Variants in METTL24 observed in about 807,000 individuals in gnomAD.
METTL24 encodes methyltransferase like 24, also known as probable methyltransferase-like protein 24.
METTL24 carries 29 observed loss-of-function variants against 32.7 expected under a neutral mutation model. The ratio of observed to expected loss-of-function variants is 0.89; its 90% CI spans 0.66 to 1.21. The LOEUF is 1.21. METTL24 is among the 50% of genes most tolerant of loss of function. METTL24 has a pLI of 0.00. For missense variants in METTL24, 439 were observed against 468.1 expected, an observed-to-expected ratio of 0.94 and a Z score of 0.57; for synonymous variants, 163 against 179.5, an observed-to-expected ratio of 0.91 and a Z score of 0.73.
intron 4 of METTL24, among the ~76,000 whole-genome samples, chr6:110,295,840 A>AGGAAGGAAGGAAGGAAGGAAGGTT (rs1004909247): frequency 8.8e-5 from 13 of 147,328 alleles, no homozygotes; most frequent in South Asian, 6.4e-4. Flanking sequence ...GAAGGAAGGA[A>AGGAAGGAAGGAAGGAAGGAAGGTT]GGTTCTCTAT....
intron 1 of METTL24, among the ~76,000 whole-genome samples, chr6:110,338,313 A>G (rs1044366347): frequency 1.1e-4 from 16 of 152,172 alleles, no homozygotes; most frequent in African/African-American, 3.9e-4. Context: ...CCTGGCCAAC[A>G]TGGGCAAAAC....
At position 110,244,433 on chromosome 6, in the gene METTL24, G is replaced by A. The variant is rs768033500; in HGVS notation, c.*1513C>T. Among the ~76,000 whole-genome samples the A allele has an allele frequency of 3.9e-5, 6 of 151,916 alleles. No homozygotes were observed. The highest frequency in any genetic ancestry group is 2.0e-4 in the Admixed American group (3 of 15,250). On this transcript the variant is annotated 3_prime_UTR_variant, in exon 5 of 5. Transcript: ENST00000338882. ...AAAAAGCAAGTGCTTTTTCAAATACGTAAAATCTAAAAAGTGTAATACCCA... is the reference window on the plus strand; with the variant it reads ...AAAAAGCAAGTGCTTTTTCAAATACATAAAATCTAAAAAGTGTAATACCCA...
At chr6:110,349,160 C>T (rs912027423) in intron 1 of METTL24, among the ~76,000 whole-genome samples, 7 of 152,130 alleles carry the variant, frequency 4.6e-5, no homozygotes, top group Middle Eastern at 3.2e-3. Flanking sequence ...CTGTGGTGAC[C>T]GCTGGCATTG....
intron 3 of METTL24, among the ~76,000 whole-genome samples, chr6:110,315,103 G>T (rs1222784017): frequency 6.6e-6 from 1 of 151,954 alleles, no homozygotes; most frequent in Non-Finnish European, 1.5e-5. Flanking sequence ...TGATGAGAAC[G>T]GGGGCTTCCA....
intron 1 of METTL24, among the ~76,000 whole-genome samples, chr6:110,350,497 G>A (rs1206091757): frequency 6.6e-6 from 1 of 151,324 alleles, no homozygotes; most frequent in Non-Finnish European, 1.5e-5. Flanking sequence ...GAAATTTTCA[G>A]ATTTTTTTTT....
intron 1 of METTL24, chr6:110,332,503 G>C: frequency 3.1e-6 from 3 of 982,822 alleles, no homozygotes; most frequent in African/African-American, 1.7e-5. Flanking sequence ...ACTACACAGT[G>C]TCTGCATACG....
chr6:110,303,606 C>A (rs1157103918), intron 3 of METTL24, among the ~76,000 whole-genome samples: 1 of 152,206 alleles, frequency 6.6e-6, no homozygotes, highest in East Asian at 1.9e-4. Flanking sequence ...AGCCAGACTG[C>A]CTCTCTAGAT....
chr6:110,254,711 C>T (rs949176156), intron 4 of METTL24, among the ~76,000 whole-genome samples: 1 of 152,150 alleles, frequency 6.6e-6, no homozygotes, highest in Non-Finnish European at 1.5e-5. Flanking sequence ...AACAAATCAA[C>T]ATTCATTCTC....
At chr6:110,302,520 T>C (rs532641061) in intron 3 of METTL24, among the ~76,000 whole-genome samples, 51 of 111,852 alleles carry the variant, frequency 4.6e-4, no homozygotes, top group African/African-American at 2.5e-3. Flanking sequence ...TACACACACA[T>C]ATGTGTATAT....
intron 3 of METTL24, among the ~76,000 whole-genome samples, chr6:110,311,883 T>C (rs1771730149): frequency 6.6e-6 from 1 of 152,224 alleles, no homozygotes; most frequent in Non-Finnish European, 1.5e-5. Flanking sequence ...CACTTTTTCA[T>C]GGAATTATTT....
At chr6:110,288,297 A>T (rs1771260019) in intron 4 of METTL24, among the ~76,000 whole-genome samples, 1 of 152,132 alleles carries the variant, frequency 6.6e-6, no homozygotes, top group African/African-American at 2.4e-5. Flanking sequence ...ATCATCTTGG[A>T]GCTTACTAGA....
At chr6:110,246,950 TAAAA>T (rs5879062) in intron 4 of METTL24, among the ~76,000 whole-genome samples, 1 of 143,210 alleles carries the variant, frequency 7.0e-6, no homozygotes, top group East Asian at 2.0e-4. Flanking sequence ...ATAGCATTCT[TAAAA>T]AAAAAAAAAG....
intron 4 of METTL24, among the ~76,000 whole-genome samples, chr6:110,256,251 T>C (rs1410626332): frequency 1.3e-5 from 2 of 152,188 alleles, no homozygotes; most frequent in African/African-American, 4.8e-5. Flanking sequence ...CCACTGAGCC[T>C]AGCTTCACCT....
intron 1 of METTL24, among the ~76,000 whole-genome samples, chr6:110,337,549 T>G (rs1772262318): frequency 6.6e-6 from 1 of 152,206 alleles, no homozygotes; most frequent in Non-Finnish European, 1.5e-5. Context: ...AACAGACCAT[T>G]GGTCTTATGC....
chr6:110,285,993 C>T (rs922681021), intron 4 of METTL24, among the ~76,000 whole-genome samples: 4 of 152,190 alleles, frequency 2.6e-5, no homozygotes, highest in African/African-American at 7.2e-5. Context: ...CATAGTCAGT[C>T]ATCATTCTCC....
chr6:110,334,086 G>A (rs941977722), intron 1 of METTL24, among the ~76,000 whole-genome samples: 3 of 149,310 alleles, frequency 2.0e-5, no homozygotes, highest in East Asian at 2.0e-4. Flanking sequence ...ACAGGAAAAG[G>A]GGGGCCTGAG....
chr6:110,323,341 A>G (rs1282022449), intron 1 of METTL24, among the ~76,000 whole-genome samples: 1 of 152,178 alleles, frequency 6.6e-6, no homozygotes, highest in South Asian at 2.1e-4. Flanking sequence ...GCATTTGTTT[A>G]TCTTCCTCAG....
chr6:110,295,013 CTTTTTTTTTT>C (rs1195740747), intron 4 of METTL24, among the ~76,000 whole-genome samples: 1 of 78,144 alleles, frequency 1.3e-5, no homozygotes, highest in African/African-American at 5.5e-5. Context: ...TTCTTTCTTT[CTTTTTTTTTT>C]TTTTTTTTTT....
intron 4 of METTL24, among the ~76,000 whole-genome samples, chr6:110,259,833 C>G (rs1778457412): frequency 6.6e-6 from 1 of 152,220 alleles, no homozygotes; most frequent in Admixed American, 6.5e-5. Flanking sequence ...GCAGCCTCCA[C>G]TGTGGATACC....
Sources: gnomAD v4.1 joint callset for allele counts (sites outside exome capture counted in the v4.1 genomes callset) on GRCh38, gnomAD v4.1.1 for gene constraint, MANE v1.5 for transcripts, NCBI Gene and HGNC (gene_info 2026-07-23, HGNC 2026-07-21) for gene names.